SVEP1: variants seen among roughly 807,000 people sequenced by gnomAD.
The protein encoded by SVEP1 is sushi, von Willebrand factor type A, EGF and pentraxin domain-containing protein 1.
In SVEP1, 164 loss-of-function variants were observed where a neutral mutation model predicts 367.3. That is an observed-to-expected ratio of 0.45 (90% CI 0.39 to 0.51). The LOEUF is 0.51. Ranked by LOEUF, SVEP1 falls within the 20% of genes least tolerant of loss-of-function variation. The pLI is 0.00. For synonymous variants in SVEP1, 1,666 were observed against 1,611.6 expected, an observed-to-expected ratio of 1.03 and a Z score of -0.81; for missense variants, 4,117 against 4,425.3, an observed-to-expected ratio of 0.93 and a Z score of 1.98.
At chr9:110,486,325 G>T (rs1191097593) in intron 9 of SVEP1, among the ~76,000 whole-genome samples, 1 of 152,160 alleles carries the variant, frequency 6.6e-6, no homozygotes, top group African/African-American at 2.4e-5. Context: ...GGGCAGTAAG[G>T]CTCAGTCAAT....
At chr9:110,395,449 A>C (rs10980368) in intron 40 of SVEP1, among the ~76,000 whole-genome samples, 1 of 151,376 alleles carries the variant, frequency 6.6e-6, no homozygotes, top group Non-Finnish European at 1.5e-5. Context: ...ATCAACTAAC[A>C]AGCAAAATAG....
At chr9:110,466,057 T>C (rs1429340253) in intron 17 of SVEP1, 31 bp from the exon 18 acceptor site, 1 of 1,597,496 alleles carries the variant, frequency 6.3e-7, no homozygotes, top group East Asian at 2.2e-5. Flanking sequence ...TTACTATCAA[T>C]AATGATATTA....
chr9:110,524,573 C>T (rs7861649), intron 3 of SVEP1, among the ~76,000 whole-genome samples: 134,270 of 152,110 alleles, frequency 0.88, 59,630 homozygotes, highest in Non-Finnish European at 0.91. Flanking sequence ...CACAAGGTCA[C>T]GTCAATTGAT....
At chr9:110,391,432 C>G (rs569038412) in intron 40 of SVEP1, among the ~76,000 whole-genome samples, 1 of 151,806 alleles carries the variant, frequency 6.6e-6, no homozygotes, top group Admixed American at 6.6e-5. Context: ...CACCACACCC[C>G]GCTAATTTTT....
intron 24 of SVEP1, among the ~76,000 whole-genome samples, chr9:110,447,978 C>A (rs1166413496): frequency 6.6e-6 from 1 of 151,896 alleles, no homozygotes; most frequent in Non-Finnish European, 1.5e-5. Context: ...AACCGAATTG[C>A]AAAAAGAATA....
At chr9:110,449,964 A>T in intron 24 of SVEP1, 95 bp downstream of exon 24, 1 of 1,384,202 alleles carries the variant, frequency 7.2e-7, no homozygotes, top group South Asian at 1.3e-5. Context: ...AGAATGACTG[A>T]CTTGAGACTC....
At position 110,450,099 on chromosome 9, in the gene SVEP1, T is replaced by C; in HGVS notation, c.4063A>G (p.Lys1355Glu). ...NVDECLSQPC[K>E]NGATCKDGAN... is the part of the protein sequence containing the mutation. ...CCGTCTTTACAGGTAGCTCCATTTTTGCATGGCTGACTGAGACACTCATCG... is the reference window on the plus strand; with the variant it reads ...CCGTCTTTACAGGTAGCTCCATTTTCGCATGGCTGACTGAGACACTCATCG... Residue 1355 changes from lysine to glutamate, a missense_variant, in exon 24 of 48, where the codon AAA becomes GAA. Coordinates refer to ENST00000374469, the MANE Select transcript of SVEP1 (RefSeq NM_153366.4). 6.2e-7 allele frequency: 1 copy of C among 1,613,950 alleles called. No individual in the cohort carries two copies. The highest frequency in any genetic ancestry group is 8.5e-7 in the Non-Finnish European group (1 of 1,179,830).
Position 110,388,488 on chromosome 9 carries a change from A to C in SVEP1, c.9887-1030T>G, listed in dbSNP as rs139914871. Among the ~76,000 whole-genome samples the C allele has an allele frequency of 8.9e-4, 136 of 152,296 alleles. 1 individual carries two copies. The highest frequency in any genetic ancestry group is 3.2e-3 in the African/African-American group (131 of 41,554). Reference sequence around the variant, plus strand: ...GCCTATCACAGACCAAATGAGTCCAAATCTTTATACTGAGGGCTACTTTTC... The same window carrying C: ...GCCTATCACAGACCAAATGAGTCCACATCTTTATACTGAGGGCTACTTTTC... On this transcript the variant is annotated intron_variant, in intron 41 of 47. Coordinates refer to ENST00000374469, the MANE Select transcript of SVEP1 (RefSeq NM_153366.4).
chr9:110,415,674 G>A (rs1828109607), intron 36 of SVEP1, among the ~76,000 whole-genome samples: 1 of 151,952 alleles, frequency 6.6e-6, no homozygotes, highest in South Asian at 2.1e-4. Flanking sequence ...GATGAGTGCT[G>A]ACTTCTTGTT....
At position 110,579,358 on chromosome 9, in the gene SVEP1, C is replaced by G. The variant is rs1222935148; in HGVS notation, c.186G>C (p.Glu62Asp). ...GTCGCCGGAACGCCTGGCCCAGCCG[C>G]TCCACTCTGCTCCCCGCCGCTTCGT... ...PGDEAAGSRVERLGQAFRRRV... is the reference protein window; with the variant it reads ...PGDEAAGSRVDRLGQAFRRRV... The change falls in exon 1 of 48, where the codon GAG becomes GAC. Residue 62 changes from glutamate to aspartate, a missense_variant. By Grantham distance (45) the Glu-to-Asp change is conservative. Coordinates refer to ENST00000374469, the MANE Select transcript of SVEP1 (RefSeq NM_153366.4). This position sits in a 1 kb window ranked among gnomAD's most constrained non-coding sequence, Gnocchi z 5.3. 3.2e-6 allele frequency: 5 copies of G among 1,554,870 alleles called. No homozygotes were observed. The highest frequency in any genetic ancestry group is 1.4e-5 in the African/African-American group (1 of 73,294).
intron 46 of SVEP1, 130 bp from the exon 47 acceptor site, chr9:110,370,146 C>T: frequency 1.3e-6 from 1 of 760,122 alleles, no homozygotes; most frequent in South Asian, 1.8e-5. Context: ...ATACCGTTAG[C>T]ATTATCCATT....
chr9:110,509,399 C>A (rs909890227), intron 5 of SVEP1, among the ~76,000 whole-genome samples: 3 of 152,184 alleles, frequency 2.0e-5, no homozygotes, highest in African/African-American at 7.2e-5. Flanking sequence ...ACTTTGTATA[C>A]TGGTAAGTTA....
Position 110,579,670 on chromosome 9 carries a change from G to A in SVEP1, c.-127C>T, listed in dbSNP as rs1830671140. Reference sequence around the variant, plus strand: ...CGCGGGGCAGCGGCCAAGAGCCTCAGCGCCCTTTCATCTGACACTGGGGAC... The same window carrying A: ...CGCGGGGCAGCGGCCAAGAGCCTCAACGCCCTTTCATCTGACACTGGGGAC... On this transcript the variant is annotated 5_prime_UTR_variant, in exon 1 of 48. Coordinates refer to ENST00000374469, the MANE Select transcript of SVEP1 (RefSeq NM_153366.4). This position sits in a 1 kb window ranked among gnomAD's most constrained non-coding sequence, Gnocchi z 5.3. 5 of 1,193,122 alleles carry A rather than the reference G, an allele frequency of 4.2e-6. No individual in the cohort carries two copies. In the African/African-American group the frequency reaches 4.9e-5, roughly 12 times the overall value. 73.9% of individuals were successfully genotyped at this position (1,193,122 alleles called of 1,614,324 possible).
chr9:110,387,324 C>G lies in SVEP1; in HGVS notation c.10021G>C (p.Glu3341Gln). 1 of 1,609,290 alleles carries G rather than the reference C, an allele frequency of 6.2e-7. No individual in the cohort carries two copies. The highest frequency in any genetic ancestry group is 8.5e-7 in the Non-Finnish European group (1 of 1,178,826). ...ACTGGGTGGCTCCAGGTTCCATTTT[C>G]TGTGCAGTGTGCCTCAGATGGCCCT... ...LEGPSEAHCTENGTWSHPVPL... is the reference protein window; with the variant it reads ...LEGPSEAHCTQNGTWSHPVPL... The change falls in exon 42 of 48, where the codon GAA (glutamate) becomes CAA (glutamine). Residue 3341 changes from glutamate (E) to glutamine (Q), a missense_variant. Physicochemically the swap from Glu to Gln is conservative, Grantham distance 29. Transcript: ENST00000374469.
chr9:110,447,492 C>T (rs1044652637), intron 24 of SVEP1, among the ~76,000 whole-genome samples: 1 of 152,212 alleles, frequency 6.6e-6, no homozygotes, highest in African/African-American at 2.4e-5. Flanking sequence ...AGTTCTATTG[C>T]TACCAAGTGG....
chr9:110,480,275 G>A (rs1332673822), intron 12 of SVEP1, among the ~76,000 whole-genome samples: 2 of 152,120 alleles, frequency 1.3e-5, no homozygotes, highest in Admixed American at 6.5e-5. Context: ...GAAGAATTCA[G>A]GGACAGTCTC....
In SVEP1 at chr9:110,408,765, T is replaced by G. The variant is rs371623352; in HGVS notation, c.6835A>C (p.Asn2279His). The change falls in exon 38 of 48, where the codon AAC (asparagine) becomes CAC (histidine). Residue 2279 changes from asparagine to histidine, a missense_variant. Transcript: ENST00000374469. Reference protein sequence around the residue: ...PIQNGFMKGENFEVGSKVQFF... With the variant: ...PIQNGFMKGEHFEVGSKVQFF... Reference sequence around the variant, plus strand: ...TGAACCTTGGACCCTACTTCAAAGTTTTCTCCTTTCATGAAGCCATTCTGG... The same window carrying G: ...TGAACCTTGGACCCTACTTCAAAGTGTTCTCCTTTCATGAAGCCATTCTGG... 2.5e-6 allele frequency: 4 copies of G among 1,613,642 alleles called. No homozygotes were observed. In the Middle Eastern group the frequency reaches 6.6e-4, roughly 266 times the overall value.
chr9:110,574,951 T>C (rs1484482148), intron 1 of SVEP1, among the ~76,000 whole-genome samples: 1 of 152,034 alleles, frequency 6.6e-6, no homozygotes, highest in Admixed American at 6.6e-5. Context: ...TTCACCGTGT[T>C]AGCCAGGACG....
chr9:110,551,297 A>G (rs1830283299), intron 1 of SVEP1, among the ~76,000 whole-genome samples: 1 of 152,224 alleles, frequency 6.6e-6, no homozygotes, highest in Non-Finnish European at 1.5e-5. Flanking sequence ...TATGAGATTC[A>G]TGTCCGTAGA....
Sources: gnomAD v4.1 joint callset for allele counts (sites outside exome capture counted in the v4.1 genomes callset) on GRCh38, gnomAD v4.1.1 for gene constraint, Gnocchi (gnomAD v3.1) non-coding constraint, MANE v1.5 for transcripts, NCBI Gene and HGNC (gene_info 2026-07-23, HGNC 2026-07-21) for gene names.